The following CTSC variants were observed in gnomAD, a reference collection of about 807,000 sequenced individuals.
CTSC encodes the protein dipeptidyl peptidase 1.
CTSC carries 37 observed loss-of-function variants against 40.9 expected under a neutral mutation model. The observed-to-expected ratio is 0.91, with a 90% CI of 0.70 to 1.19. CTSC has a LOEUF of 1.19. Ranked by LOEUF, CTSC falls within the 50% of genes most tolerant of loss-of-function variation. The pLI is 0.00. For missense variants in CTSC, 594 were observed against 567.3 expected (o/e 1.05, Z -0.48); for synonymous variants, 232 against 207.4 (o/e 1.12, Z -1.02).
chr11:88,325,254 T>C lies in CTSC; in HGVS notation c.318+9683A>G, dbSNP rs1168684158. 7 of 985,258 alleles carry C rather than the reference T, an allele frequency of 7.1e-6. No individual in the cohort carries two copies. In the Admixed American group the frequency reaches 3.1e-4, roughly 43 times the overall value. 61.0% of individuals were successfully genotyped at this position (985,258 alleles called of 1,614,324 possible). ...AAGTTTACAAAGCTCTTCTACCAAT[T>C]TCCAAACTACAAACTGAAGGAGAAG... On this transcript the variant is annotated intron_variant, in intron 2 of 6. Transcript: ENST00000227266.
intron 3 of CTSC, among the ~76,000 whole-genome samples, chr11:88,311,050 G>A (rs1229964361): frequency 6.6e-6 from 1 of 152,120 alleles, no homozygotes; most frequent in East Asian, 1.9e-4. Flanking sequence ...CTTACTATGG[G>A]ATAACAGATC....
At chr11:88,336,312 G>A (rs1938492052) in intron 1 of CTSC, among the ~76,000 whole-genome samples, 2 of 151,712 alleles carry the variant, frequency 1.3e-5, no homozygotes, top group African/African-American at 4.8e-5. Flanking sequence ...AGGCCGAGGC[G>A]GGCGGATCAC....
chr11:88,297,037 G>GT (rs1308456479), intron 5 of CTSC: 2 of 152,592 alleles, frequency 1.3e-5, no homozygotes, highest in African/African-American at 4.8e-5. Context: ...TAGATAACGT[G>GT]TAACGGTGGC....
rs1464368577 is a variant in CTSC at position 88,293,767 on chromosome 11, C to T, written c.*239G>A. ...ACAAATGATTAAGCAAACTCTATTA[C>T]TTCATAGCTGACCATCTTCCAGAAA... is the stretch of plus-strand genomic sequence containing the variant. On this transcript the variant is annotated 3_prime_UTR_variant, in exon 7 of 7. Coordinates refer to ENST00000227266, the MANE Select transcript of CTSC (RefSeq NM_001814.6). The T allele has an allele frequency of 1.8e-6, 1 of 569,138 alleles. No individual in the cohort carries two copies. Among genetic ancestry groups the T allele is most frequent in the Non-Finnish European group, 3.1e-6 (1 of 318,388 alleles). The allele number at this position is 569,138 out of a possible 1,614,324, so 35.3% of individuals were successfully genotyped here.
intron 2 of CTSC, among the ~76,000 whole-genome samples, chr11:88,331,582 A>G (rs217067): frequency 0.72 from 109,818 of 152,114 alleles, 39,804 homozygotes; most frequent in East Asian, 0.89. Context: ...CAGACCCTAC[A>G]TGTTTAGCGC....
intron 2 of CTSC, among the ~76,000 whole-genome samples, chr11:88,329,552 T>C (rs1938291038): frequency 6.6e-6 from 1 of 151,422 alleles, no homozygotes; most frequent in Non-Finnish European, 1.5e-5. Context: ...TCTGGGCAAT[T>C]TGGTGGAGAG....
At chr11:88,334,161 C>G (rs1042440105) in intron 2 of CTSC, among the ~76,000 whole-genome samples, 9 of 152,166 alleles carry the variant, frequency 5.9e-5, no homozygotes, top group Admixed American at 2.0e-4. Context: ...AATTTATACT[C>G]TATGTATAAT....
chr11:88,309,246 A>G lies in CTSC; in HGVS notation c.558T>C (p.Thr186=). 6.2e-7 allele frequency: 1 copy of G among 1,613,752 alleles called. No homozygotes were observed. Among genetic ancestry groups the G allele is most frequent in the Non-Finnish European group, 8.5e-7 (1 of 1,179,626 alleles). The change falls in exon 4 of 7, where the codon ACT becomes ACC. Residue 186 remains threonine (T), a synonymous_variant. Transcript: ENST00000227266. The stretch of plus-strand genomic sequence containing the variant: ...TCTCATATTCCATGTATGTAGTTGC[A>G]GTCCAAGACTTCTGAATGGCATTGA... The part of the protein sequence containing the change: ...KAINAIQKSW[T]ATTYMEYETL...
intron 2 of CTSC, among the ~76,000 whole-genome samples, chr11:88,329,306 A>AC (rs1226825456): frequency 1.3e-5 from 2 of 151,796 alleles, no homozygotes; most frequent in Admixed American, 6.6e-5. Flanking sequence ...ACATGGTGAA[A>AC]CCCCATCTCT....
intron 4 of CTSC, among the ~76,000 whole-genome samples, chr11:88,304,347 T>C (rs537129957): frequency 6.6e-6 from 1 of 152,286 alleles, no homozygotes; most frequent in African/African-American, 2.4e-5. Context: ...GAAGATAACA[T>C]TCATATCATT....
intron 1 of CTSC, among the ~76,000 whole-genome samples, 157 bp from the exon 2 acceptor site, chr11:88,335,239 T>C (rs1051609902): frequency 4.6e-5 from 7 of 151,988 alleles, no homozygotes; most frequent in Admixed American, 2.0e-4. Flanking sequence ...CTCCATCTTG[T>C]TGCCTCAAAC....
Position 88,294,475 on chromosome 11 carries a change from C to T in CTSC, c.923G>A (p.Gly308Glu). The T allele has an allele frequency of 1.2e-6, 2 of 1,614,058 alleles. No individual in the cohort carries two copies. The highest frequency in any genetic ancestry group is 1.7e-6 in the Non-Finnish European group (2 of 1,180,006). Residue 308 changes from glycine to glutamate, a missense_variant, in exon 7 of 7, where the codon GGA (glycine) becomes GAA (glutamate). By Grantham distance (98) the Gly-to-Glu change is moderately conservative (BLOSUM62 -2). Coordinates refer to ENST00000227266, the MANE Select transcript of CTSC (RefSeq NM_001814.6). ...CAGCCCAAAATCTTGGGCGTACTTT[C>T]CTGCAATAAGGTATGGGAAGCCGCC... ...CEGGFPYLIA[G>E]KYAQDFGLVE... is the part of the protein sequence containing the mutation.
intron 2 of CTSC, chr11:88,325,096 C>T (rs539552397): frequency 2.0e-6 from 2 of 985,270 alleles, no homozygotes; most frequent in Admixed American, 1.2e-4. Context: ...TGAAAGAAGT[C>T]AGCTCTAAAC....
At chr11:88,323,896 A>C (rs1328237944) in intron 2 of CTSC, 6 of 152,204 alleles carry the variant, frequency 3.9e-5, no homozygotes, top group South Asian at 2.1e-4. Context: ...CATTCTTCAC[A>C]CAATTAGAAG....
intron 2 of CTSC, among the ~76,000 whole-genome samples, chr11:88,314,893 G>C (rs1448593480): frequency 6.6e-6 from 1 of 152,080 alleles, no homozygotes; most frequent in African/African-American, 2.4e-5. Flanking sequence ...ACTAGCATGA[G>C]TTCAGTTCCC....
intron 2 of CTSC, among the ~76,000 whole-genome samples, chr11:88,315,921 A>C (rs1034922844): frequency 3.9e-5 from 6 of 152,194 alleles, no homozygotes; most frequent in Non-Finnish European, 8.8e-5. Context: ...AATGAAGAAA[A>C]GGTGACTCTG....
At chr11:88,309,781 A>G (rs1010449573) in intron 3 of CTSC, among the ~76,000 whole-genome samples, 1 of 149,070 alleles carries the variant, frequency 6.7e-6, no homozygotes, top group Non-Finnish European at 1.5e-5. Flanking sequence ...ATATTAACGT[A>G]TATGTATAAT....
intron 2 of CTSC, chr11:88,321,018 T>C (rs998184785): frequency 2.0e-6 from 2 of 985,256 alleles, no homozygotes; most frequent in Admixed American, 6.2e-5. Flanking sequence ...CTGACACATG[T>C]ATCTGCAATT....
chr11:88,300,964 T>C (rs1476229827), intron 4 of CTSC, among the ~76,000 whole-genome samples: 1 of 152,156 alleles, frequency 6.6e-6, no homozygotes, highest in Non-Finnish European at 1.5e-5. Flanking sequence ...TGAAAGATTT[T>C]TGACCAAGAA....
Sources: gnomAD v4.1 joint callset for allele counts (sites outside exome capture counted in the v4.1 genomes callset) on GRCh38, gnomAD v4.1.1 for gene constraint, MANE v1.5 for transcripts, NCBI Gene and HGNC (gene_info 2026-07-23, HGNC 2026-07-21) for gene names.